The following STAU2 variants were observed in gnomAD, a reference collection of about 807,000 sequenced individuals.
STAU2 encodes the protein staufen double-stranded RNA binding protein 2, also known as double-stranded RNA-binding protein Staufen homolog 2.
In STAU2, 20 loss-of-function variants were observed where a neutral mutation model predicts 65.9. The ratio of observed to expected loss-of-function variants is 0.30; its 90% CI spans 0.21 to 0.44. STAU2 has a LOEUF of 0.44. Among genes scored for constraint, STAU2 ranks in the 20% least tolerant of loss-of-function variants. The pLI is 1.00. For synonymous variants in STAU2, 232 were observed against 233.9 expected (o/e 0.99, Z 0.07); for missense variants, 558 against 683.9 (o/e 0.82, Z 2.05).
At chr8:73,607,304 G>C (rs1395977997) in intron 9 of STAU2, among the ~76,000 whole-genome samples, 2 of 152,208 alleles carry the variant, frequency 1.3e-5, no homozygotes, top group African/African-American at 4.8e-5. Context: ...AGAGCATACA[G>C]AGAGCTTCAA....
At chr8:73,540,773 A>G (rs960982166) in intron 13 of STAU2, among the ~76,000 whole-genome samples, 2 of 152,190 alleles carry the variant, frequency 1.3e-5, no homozygotes, top group South Asian at 4.1e-4. Context: ...ACCAGGGCAG[A>G]GATTTCCCTG....
intron 13 of STAU2, among the ~76,000 whole-genome samples, chr8:73,499,357 T>C (rs1277662592): frequency 6.6e-6 from 1 of 151,780 alleles, no homozygotes; most frequent in Admixed American, 6.6e-5. Flanking sequence ...TACTTGAAAG[T>C]GGATAGGACC....
chr8:73,527,863 T>C (rs796323935), intron 13 of STAU2: 11 of 1,300,124 alleles, frequency 8.5e-6, no homozygotes, highest in South Asian at 3.9e-5. Context: ...AAGATGCAAA[T>C]AGGTCCTTTT....
intron 12 of STAU2, among the ~76,000 whole-genome samples, chr8:73,552,977 T>C (rs1807445311): frequency 1.3e-5 from 2 of 152,244 alleles, no homozygotes; most frequent in Admixed American, 1.3e-4. Flanking sequence ...CATAAGCAAG[T>C]AGTTATCGTG....
At chr8:73,655,637 ATCTTTTTTTTT>A (rs1377965910) in intron 6 of STAU2, among the ~76,000 whole-genome samples, 33 of 141,212 alleles carry the variant, frequency 2.3e-4, no homozygotes, top group African/African-American at 8.3e-4. Flanking sequence ...ATTTTAATAC[ATCTTTTTTTTT>A]TTTTTTTTTT....
intron 13 of STAU2, among the ~76,000 whole-genome samples, chr8:73,493,707 A>G (rs961494209): frequency 6.6e-6 from 1 of 151,690 alleles, no homozygotes; most frequent in African/African-American, 2.4e-5. Flanking sequence ...TACAAAACAC[A>G]CACCTACCCT....
At chr8:73,636,075 C>T (rs1046484312) in intron 6 of STAU2, among the ~76,000 whole-genome samples, 2 of 152,034 alleles carry the variant, frequency 1.3e-5, no homozygotes, top group African/African-American at 4.8e-5. Flanking sequence ...TTTTTTTGGC[C>T]AGGCATAGTG....
Position 73,651,901 on chromosome 8 carries a change from C to G in STAU2, c.410+21206G>C, listed in dbSNP as rs117466508. On this transcript the variant is annotated intron_variant, in intron 6 of 14. Coordinates refer to ENST00000524300, the MANE Select transcript of STAU2 (RefSeq NM_001164380.2). The stretch of plus-strand genomic sequence containing the variant: ...TTACATTGTGGAGGCACCTCTCACC[C>G]TGACCCACGCAAAGGTTCTGGAGAT... Among the ~76,000 whole-genome samples, 90 of 152,318 alleles carry G rather than the reference C, an allele frequency of 5.9e-4. 1 individual carries two copies. The East Asian group carries it at 0.017, about 29-fold the overall frequency.
At chr8:73,621,447 G>C (rs995513156) in intron 6 of STAU2, among the ~76,000 whole-genome samples, 1 of 152,118 alleles carries the variant, frequency 6.6e-6, no homozygotes, top group Non-Finnish European at 1.5e-5. Flanking sequence ...ACAGCAACAT[G>C]AGATCAGACT....
At chr8:73,727,613 C>A (rs1805741795) in intron 3 of STAU2, among the ~76,000 whole-genome samples, 1 of 152,218 alleles carries the variant, frequency 6.6e-6, no homozygotes, top group South Asian at 2.1e-4. Flanking sequence ...ACTCATTCAT[C>A]CACTGATGGA....
intron 2 of STAU2, among the ~76,000 whole-genome samples, chr8:73,739,273 C>A (rs1316866116): frequency 6.6e-6 from 1 of 150,480 alleles, no homozygotes; most frequent in East Asian, 1.9e-4. Flanking sequence ...AAAACAGATG[C>A]CAATGAAGGG....
intron 3 of STAU2, among the ~76,000 whole-genome samples, chr8:73,720,147 G>A (rs1821537274): frequency 6.6e-6 from 1 of 151,966 alleles, no homozygotes; most frequent in Non-Finnish European, 1.5e-5. Flanking sequence ...GCCAGGCATG[G>A]TAGCATGTGC....
At position 73,712,796 on chromosome 8, in the gene STAU2, A is replaced by C. The variant is rs1283769687; in HGVS notation, c.-17-3634T>G. 3.3e-5 allele frequency among the ~76,000 whole-genome samples: 5 copies of C among 152,330 alleles called. No homozygotes were observed. The East Asian group carries it at 9.6e-4, about 29-fold the overall frequency. On this transcript the variant is annotated intron_variant, in intron 3 of 14. Transcript: ENST00000524300. ...ATAGCGAGACCTCATCTCTACAAAA[A>C]AATAAAAATATTAGCCATATGTCAT... is the stretch of plus-strand genomic sequence containing the variant.
chr8:73,659,616 A>AG (rs759739756), intron 6 of STAU2, among the ~76,000 whole-genome samples: 1 of 152,242 alleles, frequency 6.6e-6, no homozygotes, highest in Non-Finnish European at 1.5e-5. Flanking sequence ...AACATTGCTA[A>AG]GCAAGATTTT....
intron 5 of STAU2, among the ~76,000 whole-genome samples, chr8:73,676,533 C>T (rs1292373939): frequency 2.6e-5 from 4 of 152,150 alleles, no homozygotes; most frequent in African/African-American, 9.7e-5. Context: ...ACCAAAAAAG[C>T]GCTAACTATA....
chr8:73,633,494 G>C (rs1430236032), intron 6 of STAU2, among the ~76,000 whole-genome samples: 1 of 152,218 alleles, frequency 6.6e-6, no homozygotes, highest in Non-Finnish European at 1.5e-5. Flanking sequence ...ATGCATGTGA[G>C]ATCTGAATGG....
At position 73,733,305 on chromosome 8, in the gene STAU2, TA is replaced by T. The variant is rs529878527; in HGVS notation, c.-18+4978del. ...CCTAATATAGACTTTTCCAATTCCT[TA>T]GGACACACTGACCTGTCAAGCCTAC... On this transcript the variant is annotated intron_variant, in intron 3 of 14. Coordinates refer to ENST00000524300, the MANE Select transcript of STAU2 (RefSeq NM_001164380.2). Among the ~76,000 whole-genome samples the T allele has an allele frequency of 3.1e-4, 47 of 152,306 alleles. No homozygotes were observed. The South Asian group carries it at 9.1e-3, about 30-fold the overall frequency.
chr8:73,423,314 C>T (rs982304514), intron 13 of STAU2, among the ~76,000 whole-genome samples: 2 of 152,136 alleles, frequency 1.3e-5, no homozygotes, highest in African/African-American at 2.4e-5. Context: ...GCTCGGGGTG[C>T]GTGGGAAGCC....
At chr8:73,692,620 A>G (rs1819408148) in intron 4 of STAU2, among the ~76,000 whole-genome samples, 1 of 152,164 alleles carries the variant, frequency 6.6e-6, no homozygotes, top group Non-Finnish European at 1.5e-5. Context: ...ATGGAACCTG[A>G]GAAGAGGGTG....
Sources: allele counts gnomAD v4.1 joint callset (sites outside exome capture counted in the v4.1 genomes callset), GRCh38; gene constraint gnomAD v4.1.1; transcripts MANE v1.5; gene names NCBI Gene and HGNC (gene_info 2026-07-23, HGNC 2026-07-21).